Variants in SERGEF observed in about 807,000 individuals in gnomAD.
The protein encoded by SERGEF is secretion-regulating guanine nucleotide exchange factor.
A neutral mutation model predicts 50.0 loss-of-function variants in SERGEF; 51 were observed. That is an observed-to-expected ratio of 1.02 (90% CI 0.81 to 1.29). The LOEUF is 1.29. Ranked by LOEUF, SERGEF falls within the 50% of genes most tolerant of loss-of-function variation. The pLI is 0.00. For synonymous variants in SERGEF, 205 were observed against 212.4 expected, an observed-to-expected ratio of 0.97 and a Z score of 0.30; for missense variants, 521 against 557.0, an observed-to-expected ratio of 0.94 and a Z score of 0.65.
chr11:17,968,774 G>GACA (rs961276583), intron 8 of SERGEF, among the ~76,000 whole-genome samples: 5 of 150,398 alleles, frequency 3.3e-5, no homozygotes, highest in South Asian at 4.2e-4. Flanking sequence ...GGGAAAGACA[G>GACA]ACAACAACAA....
At chr11:17,926,256 C>CA (rs1229992556) in intron 9 of SERGEF, among the ~76,000 whole-genome samples, 1 of 152,018 alleles carries the variant, frequency 6.6e-6, no homozygotes, top group Non-Finnish European at 1.5e-5. Context: ...GGCCCTGAGA[C>CA]ATGTTAGTAC....
At chr11:17,880,252 G>C (rs763243871) in intron 9 of SERGEF, among the ~76,000 whole-genome samples, 7 of 152,156 alleles carry the variant, frequency 4.6e-5, no homozygotes, top group Non-Finnish European at 7.3e-5. Context: ...TGACCTGAGG[G>C]CTCCCACTAT....
chr11:17,852,345 T>A (rs536779214), intron 10 of SERGEF, among the ~76,000 whole-genome samples: 290 of 152,340 alleles, frequency 1.9e-3, no homozygotes, highest in Non-Finnish European at 3.4e-3. Context: ...TTAAGCTTAA[T>A]GAGTAATGAA....
At chr11:17,902,420 A>G (rs1411504342) in intron 9 of SERGEF, among the ~76,000 whole-genome samples, 1 of 152,008 alleles carries the variant, frequency 6.6e-6, no homozygotes, top group Non-Finnish European at 1.5e-5. Context: ...GGGAGCAAAC[A>G]GGAATGGATG....
At chr11:17,812,214 A>G (rs1007596582) in intron 10 of SERGEF, among the ~76,000 whole-genome samples, 1 of 152,164 alleles carries the variant, frequency 6.6e-6, no homozygotes, top group African/African-American at 2.4e-5. Context: ...TAAAGACACA[A>G]AACACTCTCA....
At chr11:17,909,900 T>C (rs1201899992) in intron 9 of SERGEF, among the ~76,000 whole-genome samples, 1 of 151,782 alleles carries the variant, frequency 6.6e-6, no homozygotes, top group East Asian at 1.9e-4. Context: ...GTTAGGGGAG[T>C]TGCATCCACC....
At chr11:17,910,231 T>C (rs923664051) in intron 9 of SERGEF, among the ~76,000 whole-genome samples, 1 of 151,560 alleles carries the variant, frequency 6.6e-6, no homozygotes, top group African/African-American at 2.4e-5. Context: ...CAAGGCTAAA[T>C]CTTGTAAGTT....
rs547935 is a variant in SERGEF, at chr11:17,884,747, T to A, written c.1012-6503A>T. ...TGTGTATATGTTATATATACATTTT[T>A]AAAAAAAGCACATTGTATGTATGCC... On this transcript the variant is annotated intron_variant, in intron 9 of 10. Transcript: ENST00000265965. The surrounding 1 kb of genome is among the most constrained non-coding windows in gnomAD (Gnocchi z 4.6). 0.62 allele frequency among the ~76,000 whole-genome samples: 94,662 copies of A among 151,704 alleles called. 29,801 individuals carry two copies. Among genetic ancestry groups the A allele is most frequent in the Non-Finnish European group, 0.66 (44,844 of 67,914 alleles).
intron 10 of SERGEF, among the ~76,000 whole-genome samples, chr11:17,839,022 G>C: frequency 6.6e-6 from 1 of 152,224 alleles, no homozygotes; most frequent in East Asian, 1.9e-4. Context: ...CTGCCCTACA[G>C]AGCCCACAGG....
chr11:17,893,145 G>A (rs1418057461), intron 9 of SERGEF, among the ~76,000 whole-genome samples: 1 of 152,150 alleles, frequency 6.6e-6, no homozygotes, highest in Non-Finnish European at 1.5e-5. Flanking sequence ...GGATGCCAGG[G>A]AATGATTTTC....
chr11:17,905,081 T>C (rs895443263), intron 9 of SERGEF, among the ~76,000 whole-genome samples: 2 of 152,242 alleles, frequency 1.3e-5, no homozygotes, highest in African/African-American at 2.4e-5. Context: ...TATAAGAATA[T>C]GGGTACACAT....
Position 17,878,260 on chromosome 11 carries a change from A to AAG in SERGEF, c.1012-18_1012-17dup. On this transcript the variant is annotated splice_polypyrimidine_tract_variant and intron_variant, in intron 9 of 10. Transcript: ENST00000265965. ...CACAAGAGACCTGTAAAAAAAAAAAAAGACAAAGAAAATGGATAGATATTT... is the reference window on the plus strand; with the variant it reads ...CACAAGAGACCTGTAAAAAAAAAAAAAGAGACAAAGAAAATGGATAGATATTT... 6.5e-7 allele frequency: 1 copy of AAG among 1,539,508 alleles called. No individual in the cohort carries two copies. Among genetic ancestry groups the AAG allele is most frequent in the Non-Finnish European group, 8.9e-7 (1 of 1,121,880 alleles).
At chr11:17,942,238 T>G (rs1372772781) in intron 9 of SERGEF, among the ~76,000 whole-genome samples, 3 of 152,198 alleles carry the variant, frequency 2.0e-5, no homozygotes, top group African/African-American at 4.8e-5. Context: ...TTTTCCAATC[T>G]GTGAGTGTGA....
At chr11:17,855,509 C>T (rs189808505) in intron 10 of SERGEF, 2 of 152,250 alleles carry the variant, frequency 1.3e-5, no homozygotes, top group African/African-American at 4.8e-5. Context: ...TATATATTTG[C>T]TATTTTTTCC....
intron 10 of SERGEF, among the ~76,000 whole-genome samples, chr11:17,807,283 C>T (rs190957370): frequency 1.2e-4 from 18 of 152,278 alleles, no homozygotes; most frequent in South Asian, 2.1e-4. Flanking sequence ...TGAGCTGCCC[C>T]GGCAGTGCCA....
chr11:17,822,464 G>C (rs1383428763), intron 10 of SERGEF, among the ~76,000 whole-genome samples: 1 of 152,106 alleles, frequency 6.6e-6, no homozygotes, highest in East Asian at 1.9e-4. Flanking sequence ...GAGGTGAAGG[G>C]GAAGTTACCC....
intron 10 of SERGEF, chr11:17,846,626 C>T (rs1406219272): frequency 2.2e-6 from 1 of 449,298 alleles, no homozygotes; most frequent in East Asian, 7.1e-5. Context: ...ATCATCAGCA[C>T]TGAAGTCTCT....
rs1346123755 is a variant in SERGEF, at chr11:18,004,555, A to G, written c.353-20T>C. ...CATTTTCTGCAAAATACAAATACTTAAATTGCAAATCTATGAAGTAAGATG... is the reference window on the plus strand; with the variant it reads ...CATTTTCTGCAAAATACAAATACTTGAATTGCAAATCTATGAAGTAAGATG... On this transcript the variant is annotated intron_variant, in intron 3 of 10. Transcript: ENST00000265965. 6.5e-7 allele frequency: 1 copy of G among 1,547,346 alleles called. No individual in the cohort carries two copies. The highest frequency in any genetic ancestry group is 1.1e-5 in the South Asian group (1 of 87,350).
intron 10 of SERGEF, among the ~76,000 whole-genome samples, chr11:17,819,486 A>G (rs138016464): frequency 6.6e-6 from 1 of 152,366 alleles, no homozygotes; most frequent in East Asian, 1.9e-4. Context: ...TCTTCAGATA[A>G]CAAAACAGAG....
Sources: gnomAD v4.1 joint callset for allele counts (sites outside exome capture counted in the v4.1 genomes callset) on GRCh38, gnomAD v4.1.1 for gene constraint, Gnocchi (gnomAD v3.1) non-coding constraint, MANE v1.5 for transcripts, NCBI Gene and HGNC (gene_info 2026-07-23, HGNC 2026-07-21) for gene names.